MALRD1: variants seen among roughly 807,000 people sequenced by gnomAD.
MALRD1 encodes MAM and LDL-receptor class A domain-containing protein 1.
In MALRD1, 247 loss-of-function variants were observed where a neutral mutation model predicts 242.1. The ratio of observed to expected loss-of-function variants is 1.02; its 90% CI spans 0.92 to 1.13. The LOEUF (loss-of-function observed/expected upper bound fraction) is 1.13. Ranked by LOEUF, MALRD1 falls within the 50% of genes most tolerant of loss-of-function variation. The pLI is 0.00. For synonymous variants in MALRD1, 995 were observed against 866.6 expected (o/e 1.15, Z -2.60); for missense variants, 2,989 against 2,533.1 (o/e 1.18, Z -3.86).
At chr10:19,405,720 A>G (rs1170822917) in intron 28 of MALRD1, among the ~76,000 whole-genome samples, 1 of 152,170 alleles carries the variant, frequency 6.6e-6, no homozygotes, top group South Asian at 2.1e-4. Flanking sequence ...CTCTCCATAC[A>G]CATATCCTAG....
intron 2 of MALRD1, among the ~76,000 whole-genome samples, chr10:19,067,319 T>C (rs1256543615): frequency 6.6e-6 from 1 of 152,152 alleles, no homozygotes. Context: ...GACTTTGAGG[T>C]AGCTCTGGAG....
intron 33 of MALRD1, among the ~76,000 whole-genome samples, chr10:19,580,165 A>T (rs1837040195): frequency 6.6e-6 from 1 of 152,194 alleles, no homozygotes; most frequent in Non-Finnish European, 1.5e-5. Context: ...TTTTTAATAT[A>T]TTCTATCACT....
intron 36 of MALRD1, among the ~76,000 whole-genome samples, chr10:19,666,364 C>G (rs188823364): frequency 2.1e-3 from 317 of 152,276 alleles, no homozygotes; most frequent in African/African-American, 7.2e-3. Flanking sequence ...TCACCTACAG[C>G]TATAGTATTT....
intron 20 of MALRD1, among the ~76,000 whole-genome samples, chr10:19,282,091 C>T (rs1175591034): frequency 6.6e-6 from 1 of 150,614 alleles, no homozygotes; most frequent in East Asian, 2.0e-4. Context: ...AGAACCTATT[C>T]ATCTTGCTTG....
intron 38 of MALRD1, among the ~76,000 whole-genome samples, 159 bp downstream of exon 38, chr10:19,692,713 C>G (rs1833136847): frequency 6.6e-6 from 1 of 150,994 alleles, no homozygotes; most frequent in East Asian, 1.9e-4. Flanking sequence ...AAAAGAGGAG[C>G]TACCTAACAA....
chr10:19,680,476 C>T (rs745678184), intron 36 of MALRD1, among the ~76,000 whole-genome samples: 3 of 151,812 alleles, frequency 2.0e-5, no homozygotes, highest in Admixed American at 6.6e-5. Context: ...TTTTGTCTGC[C>T]TTCCATTTGC....
At chr10:19,510,906 G>A (rs1833373951) in intron 31 of MALRD1, among the ~76,000 whole-genome samples, 1 of 152,180 alleles carries the variant, frequency 6.6e-6, no homozygotes, top group Non-Finnish European at 1.5e-5. Flanking sequence ...TATACCAGAT[G>A]TATTTATCCG....
chr10:19,494,497 G>T (rs1439057690), intron 30 of MALRD1, among the ~76,000 whole-genome samples: 2 of 152,116 alleles, frequency 1.3e-5, no homozygotes, highest in East Asian at 3.9e-4. Flanking sequence ...TGAGATTCAG[G>T]AGGACATTGA....
intron 4 of MALRD1, among the ~76,000 whole-genome samples, chr10:19,103,735 GCTGCATTTCACTATCA>G (rs1484437574): frequency 1.3e-5 from 2 of 152,056 alleles, no homozygotes; most frequent in East Asian, 3.9e-4. Context: ...GGTGAGTATT[GCTGCATTTCACTATCA>G]TGTTACCTAT....
At position 19,209,509 on chromosome 10, in the gene MALRD1, C is replaced by T. The variant is rs1351268176; in HGVS notation, c.2820C>T (p.Gly940=). The T allele has an allele frequency of 1.3e-6, 2 of 1,550,734 alleles. No homozygotes were observed. Among genetic ancestry groups the T allele is most frequent in the East Asian group, 4.9e-5 (2 of 40,920 alleles). Residue 940 remains glycine, a synonymous_variant, in exon 18 of 40, where the codon GGC becomes GGT. Transcript: ENST00000454679. ...SPILNATDTK[G]CTFRFYYHMF... ...TCCTTAATGCCACTGATACAAAAGG[C>T]TGCACCTTCCGCTTCTATTACCACA...
At chr10:19,433,834 A>G (rs1481419711) in intron 28 of MALRD1, among the ~76,000 whole-genome samples, 1 of 152,080 alleles carries the variant, frequency 6.6e-6, no homozygotes, top group East Asian at 1.9e-4. Context: ...GTCCATAGGA[A>G]GACCCTTGAA....
Position 19,389,601 on chromosome 10 carries a change from CTCA to C in MALRD1, c.4841_4843del (p.Ile1614del), listed in dbSNP as rs1261596609. On this transcript the variant is annotated inframe_deletion, in exon 28 of 40. Transcript: ENST00000454679. ...AAAGGCCACAGGATCCATTCAGATTCTCATCAAGGTAGGAACATGGCCTGTGAT... is the reference window on the plus strand; with the variant it reads ...AAAGGCCACAGGATCCATTCAGATTCTCAAGGTAGGAACATGGCCTGTGAT... 1 of 1,549,880 alleles carries C rather than the reference CTCA, an allele frequency of 6.5e-7. No individual in the cohort carries two copies. The highest frequency in any genetic ancestry group is 2.0e-5 in the Admixed American group (1 of 50,872).
chr10:19,601,249 T>C (rs1397001428), intron 34 of MALRD1, among the ~76,000 whole-genome samples: 1 of 152,120 alleles, frequency 6.6e-6, no homozygotes, highest in East Asian at 1.9e-4. Context: ...TAGATATTAT[T>C]CATGGAAACA....
intron 36 of MALRD1, among the ~76,000 whole-genome samples, chr10:19,646,560 G>T (rs180965612): frequency 2.0e-5 from 3 of 151,704 alleles, no homozygotes; most frequent in East Asian, 1.9e-4. Context: ...AGCTGAAATC[G>T]CACCACTGCA....
intron 36 of MALRD1, among the ~76,000 whole-genome samples, chr10:19,668,683 G>GA (rs1415724733): frequency 6.6e-6 from 1 of 151,410 alleles, no homozygotes; most frequent in Non-Finnish European, 1.5e-5. Flanking sequence ...ATGACTAGAG[G>GA]AAAAAAGGGA....
chr10:19,587,535 T>A (rs753221793), intron 33 of MALRD1, among the ~76,000 whole-genome samples: 4 of 152,248 alleles, frequency 2.6e-5, no homozygotes, highest in Non-Finnish European at 4.4e-5. Flanking sequence ...TTATGGAACT[T>A]GTATGAAATT....
chr10:19,566,034 G>C (rs1345607633), intron 32 of MALRD1, among the ~76,000 whole-genome samples: 1 of 151,992 alleles, frequency 6.6e-6, no homozygotes, highest in Non-Finnish European at 1.5e-5. Flanking sequence ...GGAATATTTG[G>C]TGATTCTTGC....
intron 2 of MALRD1, among the ~76,000 whole-genome samples, chr10:19,076,254 A>G (rs1835313651): frequency 6.7e-6 from 1 of 148,630 alleles, no homozygotes. Context: ...AATTATCTAT[A>G]TAGCCATCAT....
At chr10:19,508,235 TACTGAATAGACAAAAAAGCTTTTTTCAAA>T (rs1833231332) in intron 31 of MALRD1, among the ~76,000 whole-genome samples, 1 of 152,154 alleles carries the variant, frequency 6.6e-6, no homozygotes, top group Non-Finnish European at 1.5e-5. Flanking sequence ...GTGTGATGTA[TACTGAATAGACAAAAAAGCTTTTTTCAAA>T]CACAATGTGA....
Sources: allele counts gnomAD v4.1 joint callset (sites outside exome capture counted in the v4.1 genomes callset), GRCh38; gene constraint gnomAD v4.1.1; transcripts MANE v1.5; gene names NCBI Gene and HGNC (gene_info 2026-07-23, HGNC 2026-07-21).